Variants in TBX20 observed in about 807,000 individuals in gnomAD.
The protein encoded by TBX20 is T-box transcription factor 20, also known as T-box transcription factor TBX20.
A neutral mutation model predicts 42.9 loss-of-function variants in TBX20; 8 were observed. The ratio of observed to expected loss-of-function variants is 0.19; its 90% confidence interval spans 0.11 to 0.34. The LOEUF is 0.34. Among genes scored for constraint, TBX20 ranks in the 10% least tolerant of loss-of-function variants. The probability of loss-of-function intolerance (pLI) is 1.00; values close to 1 mark genes in which losing one functional copy is unlikely to be tolerated. For missense variants in TBX20, 411 were observed against 566.0 expected, an observed-to-expected ratio of 0.73 and a Z score of 2.78; for synonymous variants, 198 against 222.8, an observed-to-expected ratio of 0.89 and a Z score of 0.99.
At chr7:35,252,255 T>C (rs1790318654) in intron 1 of TBX20, among the ~76,000 whole-genome samples, 1 of 152,172 alleles carries the variant, frequency 6.6e-6, no homozygotes, top group African/African-American at 2.4e-5. Context: ...TTGAAATTGT[T>C]AGTTATATTT....
intron 4 of TBX20, 46 bp downstream of exon 4, chr7:35,244,903 C>A: frequency 1.4e-6 from 2 of 1,401,414 alleles, no homozygotes; most frequent in Non-Finnish European, 2.0e-6. Context: ...TGCGACCTGT[C>A]CATTCTACCT....
At chr7:35,245,878 TCTTGA>T (rs1790174042) in intron 3 of TBX20, among the ~76,000 whole-genome samples, 2 of 152,204 alleles carry the variant, frequency 1.3e-5, no homozygotes, top group Admixed American at 6.5e-5. Flanking sequence ...CCTGGTATCT[TCTTGA>T]CTTAAGTCTT....
intron 6 of TBX20, among the ~76,000 whole-genome samples, chr7:35,222,913 AAAGATTATTCTGATTGCTGTATTG>A (rs1257615938): frequency 6.6e-6 from 1 of 152,202 alleles, no homozygotes; most frequent in African/African-American, 2.4e-5. Flanking sequence ...CTTTCTTTGG[AAAGATTATTCTGATTGCTGTATTG>A]AATAAAAATA....
intron 3 of TBX20, 32 bp from the exon 4 acceptor site, chr7:35,245,089 C>T (rs201319089): frequency 6.8e-7 from 1 of 1,474,770 alleles, no homozygotes; most frequent in African/African-American, 1.4e-5. Flanking sequence ...TTTATTGAGA[C>T]TTCTTTAAAA....
At chr7:35,215,708 C>T (rs1218411501) in intron 6 of TBX20, among the ~76,000 whole-genome samples, 6 of 152,114 alleles carry the variant, frequency 3.9e-5, no homozygotes, top group Non-Finnish European at 8.8e-5. Flanking sequence ...CTTCTTTGAT[C>T]TTTAAAACAT....
In TBX20 at chr7:35,250,062, G is replaced by C. The variant is rs1194984357; in HGVS notation, c.269C>G (p.Pro90Arg). Residue 90 changes from proline (P) to arginine (R), a missense_variant, in exon 2 of 8, where the codon CCC (proline) becomes CGC (arginine). Pro to Arg is a moderately radical substitution (Grantham distance 103). Coordinates refer to ENST00000408931, the MANE Select transcript of TBX20 (RefSeq NM_001077653.2). ...LCTEPLIPTT[P>R]IIPSEEMAKI... The stretch of plus-strand genomic sequence containing the variant: ...GGCCATTTCCTCACTGGGGATGATG[G>C]GGGTGGTGGGGATCAGTGGCTCAGT... 1.9e-6 allele frequency: 3 copies of C among 1,613,880 alleles called. No homozygotes were observed. The highest frequency in any genetic ancestry group is 2.5e-6 in the Non-Finnish European group (3 of 1,179,972).
In TBX20 at chr7:35,245,319, G is replaced by GGTGTGTGTGTGTGTGTGTGT. The variant is rs61706700; in HGVS notation, c.546-282_546-263dup. On this transcript the variant is annotated intron_variant, in intron 3 of 7. Transcript: ENST00000408931. Reference sequence around the variant, plus strand: ...AGCTGAGCAAGGCATTGTTTAAAGGGGTGTGTGTGTGTGTGTGTGTGTGTG... The same window carrying GGTGTGTGTGTGTGTGTGTGT: ...AGCTGAGCAAGGCATTGTTTAAAGGGGTGTGTGTGTGTGTGTGTGTGTGTGTGTGTGTGTGTGTGTGTGTG... Among the ~76,000 whole-genome samples the GGTGTGTGTGTGTGTGTGTGT allele has an allele frequency of 2.3e-4, 33 of 146,498 alleles. 1 individual carries two copies. The highest frequency in any genetic ancestry group is 1.2e-3 in the Admixed American group (17 of 14,634).
At chr7:35,209,956 C>T (rs1357984479) in intron 6 of TBX20, among the ~76,000 whole-genome samples, 1 of 152,084 alleles carries the variant, frequency 6.6e-6, no homozygotes, top group African/African-American at 2.4e-5. Context: ...TATTTGGGGA[C>T]TTTTGAGATA....
rs1790158490 is a variant in TBX20 at position 35,245,207 on chromosome 7, A to G, written c.546-150T>C. 22 of 619,246 alleles carry G rather than the reference A, an allele frequency of 3.6e-5. No individual in the cohort carries two copies. The Admixed American group carries it at 5.7e-4, about 16-fold the overall frequency. 38.4% of individuals were successfully genotyped at this position (619,246 alleles called of 1,614,324 possible). On this transcript the variant is annotated intron_variant, in intron 3 of 7. Transcript: ENST00000408931. ...TATACCTCAAATTTATTACTATTGC[A>G]ATGTCAAAACAACTGAAAAATGTCT...
rs1417926350 is a variant in TBX20 at position 35,253,662 on chromosome 7, A to C, written c.-42T>G. On this transcript the variant is annotated 5_prime_UTR_variant, in exon 1 of 8. Coordinates refer to ENST00000408931, the MANE Select transcript of TBX20 (RefSeq NM_001077653.2). ...TCCTGGCCAGGGACGGGGTCGTCCGAACTGCCGTCCAGATTCCCCAAGGGA... is the reference window on the plus strand; with the variant it reads ...TCCTGGCCAGGGACGGGGTCGTCCGCACTGCCGTCCAGATTCCCCAAGGGA... 1 of 1,600,384 alleles carries C rather than the reference A, an allele frequency of 6.2e-7. No homozygotes were observed. Among genetic ancestry groups the C allele is most frequent in the South Asian group, 1.1e-5 (1 of 90,596 alleles).
At position 35,253,740 on chromosome 7, in the gene TBX20, C is replaced by T; in HGVS notation, c.-120G>A. 1 of 1,332,242 alleles carries T rather than the reference C, an allele frequency of 7.5e-7. No homozygotes were observed. Among genetic ancestry groups the T allele is most frequent in the Non-Finnish European group, 1.0e-6 (1 of 975,514 alleles). 82.5% of individuals were successfully genotyped at this position (1,332,242 alleles called of 1,614,324 possible). A position where few individuals can be genotyped will look rare whatever the true frequency, so the allele number is the denominator to read the frequency against. On this transcript the variant is annotated 5_prime_UTR_variant, in exon 1 of 8. Transcript: ENST00000408931. Reference sequence around the variant, plus strand: ...TTTCCGAGAGCAGTCACAGCGGGGCCAGGGACTCCAGAAGTGTCAGCTCCA... The same window carrying T: ...TTTCCGAGAGCAGTCACAGCGGGGCTAGGGACTCCAGAAGTGTCAGCTCCA...
chr7:35,253,547 G>A lies in TBX20; in HGVS notation c.74C>T (p.Ser25Leu). 6.2e-7 allele frequency: 1 copy of A among 1,612,856 alleles called. No homozygotes were observed. The highest frequency in any genetic ancestry group is 8.5e-7 in the Non-Finnish European group (1 of 1,180,004). The part of the protein sequence containing the change: ...ANAFSIAALM[S>L]SGGSKEKEAT... ...CTCCTTCTCCTTAGAGCCGCCGCTC[G>A]ACATGAGCGCGGCAATGGAGAAGGC... The change falls in exon 1 of 8, where the codon TCG becomes TTG. Residue 25 changes from serine (S) to leucine (L), a missense_variant. Coordinates refer to ENST00000408931, the MANE Select transcript of TBX20 (RefSeq NM_001077653.2).
Position 35,253,488 on chromosome 7 carries a change from A to G in TBX20, c.127+6T>C. The G allele has an allele frequency of 2.5e-6, 4 of 1,609,252 alleles. No homozygotes were observed. Among genetic ancestry groups the G allele is most frequent in the Non-Finnish European group, 3.4e-6 (4 of 1,178,282 alleles). ...CCTCGGCGGACAGCCGGGTAGCCCA[A>G]CTTACCCAGGGGTTTGATTGTGTTC... On this transcript the variant is annotated splice_donor_region_variant and intron_variant, in intron 1 of 7. Coordinates refer to ENST00000408931, the MANE Select transcript of TBX20 (RefSeq NM_001077653.2).
At chr7:35,217,333 A>G (rs1280479517) in intron 6 of TBX20, among the ~76,000 whole-genome samples, 6 of 152,194 alleles carry the variant, frequency 3.9e-5, no homozygotes, top group Non-Finnish European at 8.8e-5. Flanking sequence ...AAATTCTGAC[A>G]AAGTACAGAT....
In TBX20 at chr7:35,202,593, C is replaced by A; in HGVS notation, c.1181G>T (p.Gly394Val). 20 of 1,614,038 alleles carry A rather than the reference C, an allele frequency of 1.2e-5. No homozygotes were observed. Among genetic ancestry groups the A allele is most frequent in the Non-Finnish European group, 1.7e-5 (20 of 1,179,948 alleles). ...QGSLPPYSRL[G>V]MPLTPSAIAS... ...AATGGCCGATGGTGTCAGAGGCATT[C>A]CCAGTCGGCTATATGGTGGCAGAGA... Residue 394 changes from glycine (G) to valine (V), a missense_variant, in exon 8 of 8, where the codon GGA becomes GTA. Gly to Val is a moderately radical substitution (Grantham distance 109). Around this residue, in one of 5 missense-constraint regions of TBX20, gnomAD observed 162 missense variants for 205.4 expected, o/e 0.79. Coordinates refer to ENST00000408931, the MANE Select transcript of TBX20 (RefSeq NM_001077653.2).
intron 3 of TBX20, among the ~76,000 whole-genome samples, chr7:35,245,513 A>C (rs1195370134): frequency 2.0e-5 from 3 of 152,190 alleles, no homozygotes; most frequent in African/African-American, 2.4e-5. Flanking sequence ...AGAGAAAATA[A>C]TTTTAGAGAA....
chr7:35,205,051 T>A (rs1171233514), intron 6 of TBX20, among the ~76,000 whole-genome samples: 1 of 152,170 alleles, frequency 6.6e-6, no homozygotes, highest in Non-Finnish European at 1.5e-5. Flanking sequence ...AAGTTCAAAT[T>A]ATCATTAGTC....
At chr7:35,229,777 T>C (rs1354866292) in intron 6 of TBX20, among the ~76,000 whole-genome samples, 2 of 152,186 alleles carry the variant, frequency 1.3e-5, no homozygotes, top group South Asian at 2.1e-4. Flanking sequence ...AATGCTCATA[T>C]AACAAGATGA....
At chr7:35,248,106 T>C (rs538185855) in intron 3 of TBX20, among the ~76,000 whole-genome samples, 1 of 152,314 alleles carries the variant, frequency 6.6e-6, no homozygotes, top group South Asian at 2.1e-4. Context: ...ATTACATTCA[T>C]CCACTAAAAT....
Sources: allele counts gnomAD v4.1 joint callset (sites outside exome capture counted in the v4.1 genomes callset), GRCh38; gene constraint gnomAD v4.1.1; regional missense constraint gnomAD v4.1.1; transcripts MANE v1.5; gene names NCBI Gene and HGNC (gene_info 2026-07-23, HGNC 2026-07-21).